STRA8: variants seen among roughly 807,000 people sequenced by gnomAD.
STRA8 encodes the protein stimulated by retinoic acid 8, also known as stimulated by retinoic acid gene 8 protein homolog.
A neutral mutation model predicts 37.1 loss-of-function variants in STRA8; 18 were observed. The ratio of observed to expected loss-of-function variants is 0.48; its 90% CI spans 0.34 to 0.72. The LOEUF (loss-of-function observed/expected upper bound fraction) is 0.72, where lower values mean the gene tolerates loss of function less well. Among genes scored for constraint, STRA8 ranks in the 30% least tolerant of loss-of-function variants. The probability of loss-of-function intolerance (pLI) is 0.01; values close to 1 mark genes in which losing one functional copy is unlikely to be tolerated. For missense variants in STRA8, 357 were observed against 410.4 expected (o/e 0.87, Z 1.13); for synonymous variants, 168 against 162.9 (o/e 1.03, Z -0.24).
chr7:135,248,488 G>A (rs1467216331), intron 6 of STRA8, among the ~76,000 whole-genome samples: 9 of 152,112 alleles, frequency 5.9e-5, no homozygotes, highest in African/African-American at 2.2e-4. Flanking sequence ...TGGGAGCAAT[G>A]CTTGAGCCCA....
At position 135,254,465 on chromosome 7, in the gene STRA8, G is replaced by A. The variant is rs894680072; in HGVS notation, c.954-649G>A. Among the ~76,000 whole-genome samples the A allele has an allele frequency of 3.9e-5, 6 of 152,298 alleles. No individual in the cohort carries two copies. In the East Asian group the frequency reaches 7.7e-4, roughly 20 times the overall value. ...CACATTGCAGGGCCTGGCTCTTAGC[G>A]GGCATTCCTAAATGTTGCACGAGCC... On this transcript the variant is annotated intron_variant, in intron 7 of 8. Coordinates refer to ENST00000662584, the MANE Select transcript of STRA8 (RefSeq NM_001394401.1).
intron 4 of STRA8, 114 bp from the exon 5 acceptor site, chr7:135,245,174 T>C: frequency 1.4e-6 from 1 of 694,080 alleles, no homozygotes; most frequent in Non-Finnish European, 2.7e-6. Context: ...TGTGTACACC[T>C]ACACACACAC....
At chr7:135,232,155 G>A (rs937210308), upstream of STRA8, 39 of 1,024,396 alleles carry the variant, frequency 3.8e-5, no homozygotes, top group Non-Finnish European at 5.6e-5. Flanking sequence ...GAAAGGTTGA[G>A]GCAGGTCAGA....
Position 135,246,103 on chromosome 7 carries a change from G to A in STRA8, c.594-314G>A. ...ACATTCATGGGCTCAGAATTTTCAA[G>A]AATATTCCCTTAGGATGAGAGCTGA... On this transcript the variant is annotated intron_variant, in intron 5 of 8. Coordinates refer to ENST00000662584, the MANE Select transcript of STRA8 (RefSeq NM_001394401.1). This position sits in a 1 kb window ranked among gnomAD's most constrained non-coding sequence, Gnocchi z 5.4. 5.1e-6 allele frequency: 2 copies of A among 391,156 alleles called. No individual in the cohort carries two copies. Among genetic ancestry groups the A allele is most frequent in the Non-Finnish European group, 9.3e-6 (2 of 214,156 alleles). 24.2% of individuals were successfully genotyped at this position (391,156 alleles called of 1,614,324 possible). A position where few individuals can be genotyped will look rare whatever the true frequency, so the allele number is the denominator to read the frequency against.
chr7:135,240,114 C>T lies in STRA8; in HGVS notation c.-6-405C>T, dbSNP rs1039727995. On this transcript the variant is annotated intron_variant, in intron 1 of 8. Coordinates refer to ENST00000662584, the MANE Select transcript of STRA8 (RefSeq NM_001394401.1). ...GGTACAGCTGCTCTCCTTGGCCACG[C>T]GTAAAATTAACCCCTGAAATTAACA... 3.3e-5 allele frequency among the ~76,000 whole-genome samples: 5 copies of T among 152,074 alleles called. No homozygotes were observed. In the East Asian group the frequency reaches 5.8e-4, roughly 18 times the overall value.
intron 8 of STRA8, 76 bp from the exon 9 acceptor site, chr7:135,258,342 G>C: frequency 1.6e-6 from 2 of 1,238,396 alleles, no homozygotes; most frequent in Non-Finnish European, 2.3e-6. Flanking sequence ...CACCGGAGAT[G>C]CAGGAGCCTT....
chr7:135,233,313 G>T (rs1273137850), upstream of STRA8, among the ~76,000 whole-genome samples: 2 of 151,836 alleles, frequency 1.3e-5, no homozygotes, highest in Non-Finnish European at 1.5e-5. Context: ...TATTTAAAAT[G>T]CTATTTCCCT....
intron 6 of STRA8, among the ~76,000 whole-genome samples, chr7:135,250,625 C>T (rs932929091): frequency 1.3e-5 from 2 of 152,104 alleles, no homozygotes; most frequent in African/African-American, 4.8e-5. Flanking sequence ...GAGGAGAGAC[C>T]CTGGCGGAAC....
chr7:135,237,918 A>G (rs1371498632), intron 1 of STRA8, among the ~76,000 whole-genome samples: 1 of 152,036 alleles, frequency 6.6e-6, no homozygotes, highest in East Asian at 1.9e-4. Flanking sequence ...CAAAAAAAAA[A>G]GAGCTCAGTC....
chr7:135,241,862 G>A (rs899866270), intron 2 of STRA8, among the ~76,000 whole-genome samples: 12 of 152,090 alleles, frequency 7.9e-5, no homozygotes, highest in Non-Finnish European at 5.9e-5. Context: ...CCTTGTACAT[G>A]CCCAAGGGAT....
intron 2 of STRA8, among the ~76,000 whole-genome samples, chr7:135,241,036 G>C (rs1037881417): frequency 6.6e-6 from 1 of 152,038 alleles, no homozygotes; most frequent in African/African-American, 2.4e-5. Context: ...TCTTTTATAA[G>C]GGCACCAATC....
intron 8 of STRA8, among the ~76,000 whole-genome samples, chr7:135,256,033 G>C (rs1832699649): frequency 6.6e-6 from 1 of 152,220 alleles, no homozygotes; most frequent in African/African-American, 2.4e-5. Flanking sequence ...GGGACTCTTG[G>C]TTAGGAGGGC....
intron 4 of STRA8, 123 bp from the exon 5 acceptor site, chr7:135,245,165 G>A: frequency 1.5e-6 from 1 of 667,906 alleles, no homozygotes. Context: ...TGGTCATGAT[G>A]TGTACACCTA....
Position 135,247,039 on chromosome 7 carries a change from GT to G in STRA8, c.879+340del, listed in dbSNP as rs374414042. ...TTTTTGTATTTTTAGTAGAGACGGG[GT>G]TTCACTGTGTTAGCCAGGATGGTCT... On this transcript the variant is annotated intron_variant, in intron 6 of 8. Coordinates refer to ENST00000662584, the MANE Select transcript of STRA8 (RefSeq NM_001394401.1). The G allele has an allele frequency of 6.2e-3, 1,548 of 251,030 alleles. 28 individuals are homozygous for G. Among genetic ancestry groups the G allele is most frequent in the African/African-American group, 0.033 (1,438 of 43,018 alleles). 15.6% of individuals were successfully genotyped at this position (251,030 alleles called of 1,614,324 possible). A position where few individuals can be genotyped will look rare whatever the true frequency, so the allele number is the denominator to read the frequency against.
chr7:135,251,715 C>T, intron 6 of STRA8, 81 bp from the exon 7 acceptor site: 1 of 1,393,434 alleles, frequency 7.2e-7, no homozygotes, highest in Non-Finnish European at 1.0e-6. Flanking sequence ...AGCCTTTCCA[C>T]TCATCTCTCC....
At position 135,246,940 on chromosome 7, in the gene STRA8, G is replaced by A. The variant is rs369295735; in HGVS notation, c.879+238G>A. ...GCTCACTGCAAGCTCTGGCTCCCGGGTTCACCTCATTCTCCTGCCTCAGCC... is the reference window on the plus strand; with the variant it reads ...GCTCACTGCAAGCTCTGGCTCCCGGATTCACCTCATTCTCCTGCCTCAGCC... On this transcript the variant is annotated intron_variant, in intron 6 of 8. Coordinates refer to ENST00000662584, the MANE Select transcript of STRA8 (RefSeq NM_001394401.1). The surrounding 1 kb of genome is among the most constrained non-coding windows in gnomAD (Gnocchi z 5.4). 3.8e-5 allele frequency: 18 copies of A among 478,268 alleles called. No homozygotes were observed. In the East Asian group the frequency reaches 5.0e-4, roughly 13 times the overall value. The allele number at this position is 478,268 out of a possible 1,614,324, so 29.6% of individuals were successfully genotyped here.
Position 135,254,464 on chromosome 7 carries a change from C to T in STRA8, c.954-650C>T, listed in dbSNP as rs142727730. Among the ~76,000 whole-genome samples, 13 of 152,316 alleles carry T rather than the reference C, an allele frequency of 8.5e-5. No homozygotes were observed. The East Asian group carries it at 2.1e-3, about 25-fold the overall frequency. On this transcript the variant is annotated intron_variant, in intron 7 of 8. Transcript: ENST00000662584. ...CCACATTGCAGGGCCTGGCTCTTAG[C>T]GGGCATTCCTAAATGTTGCACGAGC...
chr7:135,252,250 C>T (rs1832648062), intron 7 of STRA8, among the ~76,000 whole-genome samples: 1 of 152,022 alleles, frequency 6.6e-6, no homozygotes, highest in African/African-American at 2.4e-5. Flanking sequence ...AAAGGGGAAA[C>T]CTGTATATCC....
intron 7 of STRA8, among the ~76,000 whole-genome samples, chr7:135,253,020 C>T (rs1035496124): frequency 3.9e-5 from 6 of 152,082 alleles, no homozygotes; most frequent in Non-Finnish European, 5.9e-5. Context: ...CTGCAACCTC[C>T]GCCTCCTGGG....
Sources: allele counts gnomAD v4.1 joint callset (sites outside exome capture counted in the v4.1 genomes callset), GRCh38; gene constraint gnomAD v4.1.1; non-coding constraint Gnocchi (gnomAD v3.1); transcripts MANE v1.5; gene names NCBI Gene and HGNC (gene_info 2026-07-23, HGNC 2026-07-21).